The following USP35 variants were observed in gnomAD, a reference collection of about 807,000 sequenced individuals.
USP35 encodes the protein ubiquitin carboxyl-terminal hydrolase 35.
In USP35, 69 loss-of-function variants were observed where a neutral mutation model predicts 83.8. The ratio of observed to expected loss-of-function variants is 0.82; its 90% CI spans 0.68 to 1.01. The LOEUF (loss-of-function observed/expected upper bound fraction) is 1.01, where lower values mean the gene tolerates loss of function less well. Ranked by LOEUF, USP35 falls within the 50% of genes least tolerant of loss-of-function variation. The pLI is 0.00. For synonymous variants in USP35, 714 were observed against 589.5 expected (o/e 1.21, Z -3.06); for missense variants, 1,503 against 1,362.5 (o/e 1.10, Z -1.62).
chr11:78,206,119 G>A (rs1376412680), intron 7 of USP35, 84 bp downstream of exon 7: 3 of 1,502,450 alleles, frequency 2.0e-6, no homozygotes, highest in Non-Finnish European at 2.7e-6. Flanking sequence ...TGTCCGGGGT[G>A]GGGGTTGGAG....
At chr11:78,189,553 A>G (rs1862937020) in intron 1 of USP35, among the ~76,000 whole-genome samples, 1 of 152,058 alleles carries the variant, frequency 6.6e-6, no homozygotes, top group Non-Finnish European at 1.5e-5. Context: ...TCCTATTCTC[A>G]GTGTGCTGGG....
chr11:78,217,430 G>A (rs975219417), downstream of USP35: 1 of 152,326 alleles, frequency 6.6e-6, no homozygotes, highest in African/African-American at 2.4e-5. Context: ...ATGGGACTTA[G>A]AGAATGGCTA....
the USP35 span, among the ~76,000 whole-genome samples, chr11:78,230,142 G>T: frequency 5.3e-5 from 8 of 152,226 alleles, no homozygotes; most frequent in South Asian, 2.1e-4. Context: ...AACGTTTGTT[G>T]TAAGTAAGCA....
chr11:78,210,711 A>G lies in USP35; in HGVS notation c.2856A>G (p.Glu952=), dbSNP rs367708102. 197 of 1,573,676 alleles carry G rather than the reference A, an allele frequency of 1.3e-4. 1 individual carries two copies. The Middle Eastern group carries it at 2.2e-3, about 18-fold the overall frequency. ...CCACCCTGCACAAGGACTTGATGGA[A>G]GCCATTTCCAAAGACAACATCCTTT... is the stretch of plus-strand genomic sequence containing the variant. The part of the protein sequence containing the change: ...TEPTLHKDLM[E]AISKDNILYL... Residue 952 remains glutamate, a synonymous_variant, in exon 10 of 11, where the codon GAA becomes GAG. Coordinates refer to ENST00000529308, the MANE Select transcript of USP35 (RefSeq NM_020798.4).
At chr11:78,218,094 T>A (rs1437627334), downstream of USP35, 2 of 153,060 alleles carry the variant, frequency 1.3e-5, no homozygotes, top group Non-Finnish European at 2.9e-5. Flanking sequence ...TGGATGTATT[T>A]CCCCACTTGC....
At chr11:78,203,823 C>G (rs1044830464) in intron 6 of USP35, among the ~76,000 whole-genome samples, 29 of 151,472 alleles carry the variant, frequency 1.9e-4, no homozygotes, top group Non-Finnish European at 4.1e-4. Context: ...TGTGATCCAG[C>G]CATCTCGACT....
intron 6 of USP35, among the ~76,000 whole-genome samples, chr11:78,203,380 AGCAGT>A (rs1286742948): frequency 6.6e-6 from 1 of 152,008 alleles, no homozygotes; most frequent in Non-Finnish European, 1.5e-5. Context: ...AAATCAGCAG[AGCAGT>A]GCCTTGAAAA....
At position 78,206,607 on chromosome 11, in the gene USP35, T is replaced by A. The variant is rs555493869; in HGVS notation, c.1391+572T>A. Among the ~76,000 whole-genome samples, 157 of 152,330 alleles carry A rather than the reference T, an allele frequency of 1.0e-3. No individual in the cohort carries two copies. In the South Asian group the frequency reaches 0.011, roughly 10 times the overall value. On this transcript the variant is annotated intron_variant, in intron 7 of 10. Coordinates refer to ENST00000529308, the MANE Select transcript of USP35 (RefSeq NM_020798.4). ...AAGGTGCTGCTGGTGCACGTTCTTC[T>A]CAAAACGCCTAGTGAAGGACTAGTT...
chr11:78,195,279 G>A (rs1011390894), intron 1 of USP35, among the ~76,000 whole-genome samples: 8 of 152,178 alleles, frequency 5.3e-5, no homozygotes, highest in Admixed American at 2.0e-4. Flanking sequence ...CACTGAGGAC[G>A]GGTGCTTTAG....
At chr11:78,234,607 A>G in the USP35 span, among the ~76,000 whole-genome samples, 1 of 148,194 alleles carries the variant, frequency 6.7e-6, no homozygotes, top group Non-Finnish European at 1.5e-5. Context: ...AACTATTTTT[A>G]TTTATATATG....
At chr11:78,223,565 A>C in the USP35 span, 1 of 1,613,848 alleles carries the variant, frequency 6.2e-7, no homozygotes, top group African/African-American at 1.3e-5. Flanking sequence ...ACGCTCTGGG[A>C]ATTATCACCT....
chr11:78,200,930 C>G, intron 6 of USP35, 122 bp downstream of exon 6: 3 of 1,354,876 alleles, frequency 2.2e-6, no homozygotes, highest in Non-Finnish European at 9.9e-7. Context: ...GGCTGTCTCC[C>G]ATCACCTCCC....
intron 6 of USP35, among the ~76,000 whole-genome samples, chr11:78,201,522 A>T (rs1863359572): frequency 6.6e-6 from 1 of 152,148 alleles, no homozygotes. Context: ...GAGCAGTGAG[A>T]AACCAGAGGA....
At chr11:78,223,532 C>T in the USP35 span, 3 of 1,613,384 alleles carry the variant, frequency 1.9e-6, no homozygotes, top group East Asian at 2.2e-5. Flanking sequence ...AAGTGATGGG[C>T]CCCTGGGCTC....
At position 78,198,018 on chromosome 11, in the gene USP35, C is replaced by T. The variant is rs1436636778; in HGVS notation, c.756C>T (p.Leu252=). 1 of 1,614,246 alleles carries T rather than the reference C, an allele frequency of 6.2e-7. No individual in the cohort carries two copies. Among genetic ancestry groups the T allele is most frequent in the Non-Finnish European group, 8.5e-7 (1 of 1,180,034 alleles). ...TCATGGATGGTGTTGTCCGGAACCT[C>T]AGCAATGATGACAGTGTGACAGACT... ...LELMDGVVRN[L]SNDDSVTDSQ... is the part of the protein sequence containing the mutation. Residue 252 remains leucine, a synonymous_variant, in exon 3 of 11, where the codon CTC becomes CTT. Transcript: ENST00000529308.
chr11:78,213,832 C>A lies in USP35; in HGVS notation c.*19C>A, dbSNP rs757219519. ...CTTCTAATGTGAACCTGCTGCCAAC[C>A]TGACCCCTTCCCTCCAGGAGCCAGG... On this transcript the variant is annotated 3_prime_UTR_variant, in exon 11 of 11. Transcript: ENST00000529308. 2.6e-6 allele frequency: 4 copies of A among 1,538,116 alleles called. No individual in the cohort carries two copies. The African/African-American group carries it at 4.3e-5, about 17-fold the overall frequency.
intron 3 of USP35, among the ~76,000 whole-genome samples, chr11:78,198,309 C>T (rs570449670): frequency 3.3e-5 from 5 of 152,336 alleles, no homozygotes; most frequent in African/African-American, 7.2e-5. Context: ...GCAGTGTGAC[C>T]CTGGACATGC....
intron 6 of USP35, 68 bp downstream of exon 6, chr11:78,200,876 G>A (rs547099752): frequency 1.3e-4 from 194 of 1,518,384 alleles, no homozygotes; most frequent in Non-Finnish European, 1.4e-4. Flanking sequence ...GCCTTCCAGC[G>A]GGCCATACCA....
chr11:78,236,508 T>G, the USP35 span, among the ~76,000 whole-genome samples: 1 of 152,202 alleles, frequency 6.6e-6, no homozygotes, highest in Non-Finnish European at 1.5e-5. Flanking sequence ...CAATGTTAAA[T>G]AGAAGTGGTA....
Sources: gnomAD v4.1 joint callset for allele counts (sites outside exome capture counted in the v4.1 genomes callset) on GRCh38, gnomAD v4.1.1 for gene constraint, MANE v1.5 for transcripts, NCBI Gene and HGNC (gene_info 2026-07-23, HGNC 2026-07-21) for gene names.